GPHN: variants seen among roughly 807,000 people sequenced by gnomAD.
GPHN encodes gephyrin.
Under a neutral mutation model 95.5 loss-of-function variants are expected in GPHN, and 17 were observed. That is an observed-to-expected ratio of 0.18 (90% confidence interval 0.12 to 0.27). The LOEUF (loss-of-function observed/expected upper bound fraction) is 0.27, where lower values mean the gene tolerates loss of function less well. GPHN is among the 10% of genes least tolerant of loss of function. GPHN has a pLI of 1.00. For missense variants in GPHN, 660 were observed against 978.1 expected, an observed-to-expected ratio of 0.67 and a Z score of 4.34; for synonymous variants, 320 against 322.5, an observed-to-expected ratio of 0.99 and a Z score of 0.08.
chr14:66,754,469 G>C (rs1017381434), intron 2 of GPHN, among the ~76,000 whole-genome samples: 1 of 151,892 alleles, frequency 6.6e-6, no homozygotes, highest in South Asian at 2.1e-4. Flanking sequence ...ACTGTGAAAT[G>C]TACTTCTCTC....
chr14:66,570,124 TA>T (rs762280270), intron 1 of GPHN, among the ~76,000 whole-genome samples: 140 of 151,974 alleles, frequency 9.2e-4, no homozygotes, highest in South Asian at 1.2e-3. Context: ...AAGATATATA[TA>T]TTTTTTTTAA....
chr14:67,596,295 ATT>A, the GPHN span, among the ~76,000 whole-genome samples: 2 of 60,226 alleles, frequency 3.3e-5, no homozygotes, highest in Admixed American at 3.0e-4. Context: ...CGCCCAGCTA[ATT>A]TTTTTTTTTT....
the GPHN span, among the ~76,000 whole-genome samples, chr14:67,514,330 C>G: frequency 6.6e-6 from 1 of 152,096 alleles, no homozygotes; most frequent in Admixed American, 6.5e-5. Flanking sequence ...AAGGAAGATA[C>G]CTGGGAAAGA....
At chr14:67,562,487 C>G in the GPHN span, 1 of 1,613,300 alleles carries the variant, frequency 6.2e-7, no homozygotes, top group South Asian at 1.1e-5. Flanking sequence ...GGGTGAGGGT[C>G]TGGTTACTGC....
chr14:67,168,714 C>T (rs947998392), intron 20 of GPHN, among the ~76,000 whole-genome samples: 11 of 152,142 alleles, frequency 7.2e-5, no homozygotes, highest in African/African-American at 2.7e-4. Flanking sequence ...TTCTGGGCAG[C>T]AGAATTCTCC....
At chr14:66,642,542 C>G (rs1230306694) in intron 1 of GPHN, among the ~76,000 whole-genome samples, 2 of 147,612 alleles carry the variant, frequency 1.4e-5, no homozygotes, top group African/African-American at 5.1e-5. Flanking sequence ...GCTCAGCAGG[C>G]AGACATTTTG....
At chr14:67,353,334 C>T in the GPHN span, among the ~76,000 whole-genome samples, 1 of 152,136 alleles carries the variant, frequency 6.6e-6, no homozygotes, top group African/African-American at 2.4e-5. Context: ...TATGGTAAGA[C>T]TGGGTTCCTT....
the GPHN span, among the ~76,000 whole-genome samples, chr14:67,553,424 A>C: frequency 6.6e-6 from 1 of 151,866 alleles, no homozygotes; most frequent in African/African-American, 2.4e-5. Flanking sequence ...AGCAAAGGGG[A>C]TTTATTAGAA....
At chr14:67,719,391 C>T in the GPHN span, among the ~76,000 whole-genome samples, 1 of 152,180 alleles carries the variant, frequency 6.6e-6, no homozygotes. Context: ...AGTCTTAAGA[C>T]CTTTTCCAAG....
At position 67,107,197 on chromosome 14, in the gene GPHN, G is replaced by A. The variant is rs11849850; in HGVS notation, c.1294-2943G>A. On this transcript the variant is annotated intron_variant, in intron 13 of 22. Transcript: ENST00000478722. ...GGGCTTTTAGAGTCCTCCTCTTCTT[G>A]TTTTCCACACAATAGGGAGAATCAG... 4.0e-3 allele frequency among the ~76,000 whole-genome samples: 602 copies of A among 152,206 alleles called. 7 individuals carry two copies. Among genetic ancestry groups the A allele is most frequent in the African/African-American group, 0.014 (563 of 41,524 alleles).
At chr14:67,393,175 T>C in the GPHN span, 1 of 1,613,718 alleles carries the variant, frequency 6.2e-7, no homozygotes. Context: ...TATAGGTGCT[T>C]CCCTGCTCCA....
At chr14:66,769,465 C>CT (rs1490350217) in intron 2 of GPHN, among the ~76,000 whole-genome samples, 2 of 151,986 alleles carry the variant, frequency 1.3e-5, no homozygotes, top group Non-Finnish European at 2.9e-5. Context: ...TCTTGATCCT[C>CT]TCCCTCCTCC....
At chr14:67,551,118 A>G in the GPHN span, among the ~76,000 whole-genome samples, 1 of 152,244 alleles carries the variant, frequency 6.6e-6, no homozygotes. Flanking sequence ...TGAGTCTTAT[A>G]GGACACTCTT....
At chr14:67,291,602 T>C in the GPHN span, among the ~76,000 whole-genome samples, 3 of 152,156 alleles carry the variant, frequency 2.0e-5, no homozygotes, top group African/African-American at 7.2e-5. Flanking sequence ...TTCTTAACCA[T>C]TTTAGAATAA....
At chr14:66,651,181 A>G (rs116136992) in intron 1 of GPHN, among the ~76,000 whole-genome samples, 56 of 152,304 alleles carry the variant, frequency 3.7e-4, no homozygotes, top group African/African-American at 8.9e-4. Context: ...TAGAAAAACA[A>G]TCACCACTGG....
intron 4 of GPHN, among the ~76,000 whole-genome samples, chr14:66,835,911 A>G (rs1253998109): frequency 6.7e-6 from 1 of 149,650 alleles, no homozygotes; most frequent in African/African-American, 2.5e-5. Context: ...CTTCAAGGAG[A>G]ACTACAAACC....
intron 2 of GPHN, among the ~76,000 whole-genome samples, chr14:66,756,091 A>G (rs1285620404): frequency 2.0e-5 from 3 of 152,196 alleles, no homozygotes; most frequent in Admixed American, 6.6e-5. Context: ...ATTGTGGGGC[A>G]CATGGTAGAA....
chr14:67,225,961 GTGCGCGCGCGCGCGTGCGCA>G, the GPHN span, among the ~76,000 whole-genome samples: 1 of 112,332 alleles, frequency 8.9e-6, no homozygotes, highest in South Asian at 3.2e-4. Flanking sequence ...GTGTGTGTGT[GTGCGCGCGCGCGCGTGCGCA>G]TGCGCGTGCA....
At chr14:67,721,767 A>G in the GPHN span, among the ~76,000 whole-genome samples, 5 of 149,080 alleles carry the variant, frequency 3.4e-5, no homozygotes, top group Non-Finnish European at 7.4e-5. Flanking sequence ...ATATATATGT[A>G]TAACACATAT....
Sources: gnomAD v4.1 joint callset for allele counts (sites outside exome capture counted in the v4.1 genomes callset) on GRCh38, gnomAD v4.1.1 for gene constraint, MANE v1.5 for transcripts, NCBI Gene and HGNC (gene_info 2026-07-23, HGNC 2026-07-21) for gene names.